Variants in TMEM47 observed in about 807,000 individuals in gnomAD.
The protein encoded by TMEM47 is brain cell membrane protein 1.
A neutral mutation model predicts 12.4 loss-of-function variants in TMEM47; 3 were observed. The ratio of observed to expected loss-of-function variants is 0.24; its 90% CI spans 0.11 to 0.63. The LOEUF (loss-of-function observed/expected upper bound fraction) is 0.63. Among genes scored for constraint, TMEM47 ranks in the 20% least tolerant of loss-of-function variants. The pLI is 0.86. For missense variants in TMEM47, 89 were observed against 143.8 expected, an observed-to-expected ratio of 0.62 and a Z score of 1.95; for synonymous variants, 62 against 63.3, an observed-to-expected ratio of 0.98 and a Z score of 0.10.
intron 1 of TMEM47, among the ~76,000 whole-genome samples, chrX:34,644,275 T>C (rs746754442): frequency 3.8e-4 from 42 of 111,997 alleles, no homozygotes; most frequent in South Asian, 7.4e-4. Context: ...GAGTTTCCAA[T>C]GTCTATAAAC....
At chrX:34,638,931 G>A (rs1482290208) in intron 2 of TMEM47, among the ~76,000 whole-genome samples, 1 of 111,554 alleles carries the variant, frequency 9.0e-6, no homozygotes, top group African/African-American at 3.3e-5. Context: ...AGTAAAAAAG[G>A]GGAAAAAACT....
At position 34,627,181 on chromosome X, in the gene TMEM47, A is replaced by G. The variant is rs1040656014; in HGVS notation, c.*3132T>C. ...ATTGTGAAACTGCAAACTCAAAATC[A>G]CTGGAGTGATAAACAGGTTTTCCCC... On this transcript the variant is annotated 3_prime_UTR_variant, in exon 3 of 3. Coordinates refer to ENST00000275954, the MANE Select transcript of TMEM47 (RefSeq NM_031442.4). 11 of 111,882 alleles carry G rather than the reference A, an allele frequency of 9.8e-5. No homozygotes were observed. The highest frequency in any genetic ancestry group is 3.6e-4 in the African/African-American group (11 of 30,663). 9.2% of individuals were successfully genotyped at this position (111,882 alleles called of 1,213,427 possible).
chrX:34,640,405 A>T (rs1179980204), intron 1 of TMEM47, among the ~76,000 whole-genome samples: 1 of 112,234 alleles, frequency 8.9e-6, no homozygotes, highest in Non-Finnish European at 1.9e-5. Context: ...TAGAAATAGT[A>T]TGATGAAAAA....
At chrX:34,650,354 C>G (rs1921994665) in intron 1 of TMEM47, among the ~76,000 whole-genome samples, 1 of 111,748 alleles carries the variant, frequency 8.9e-6, no homozygotes. Flanking sequence ...AACCAACCCT[C>G]CAAAAATACT....
chrX:34,627,398 G>A lies in TMEM47; in HGVS notation c.*2915C>T, dbSNP rs1921527156. The A allele has an allele frequency of 8.9e-6, 1 of 112,042 alleles. No homozygotes were observed. Among genetic ancestry groups the A allele is most frequent in the Non-Finnish European group, 1.9e-5 (1 of 53,112 alleles). 9.2% of individuals were successfully genotyped at this position (112,042 alleles called of 1,213,427 possible). On this transcript the variant is annotated 3_prime_UTR_variant, in exon 3 of 3. Coordinates refer to ENST00000275954, the MANE Select transcript of TMEM47 (RefSeq NM_031442.4). Reference sequence around the variant, plus strand: ...TTTAGGCATTAAAGAGGACACAGAGGCATAGGTTAGAGTGCACTGCTCTGT... The same window carrying A: ...TTTAGGCATTAAAGAGGACACAGAGACATAGGTTAGAGTGCACTGCTCTGT...
chrX:34,636,203 T>C lies in TMEM47; in HGVS notation c.367+3044A>G, dbSNP rs1601965031. ...CTACCAAAATCTAGACTTGAAATGGTTCCAGCTATCTCACTGTGACTTATA... is the reference window on the plus strand; with the variant it reads ...CTACCAAAATCTAGACTTGAAATGGCTCCAGCTATCTCACTGTGACTTATA... On this transcript the variant is annotated intron_variant, in intron 2 of 2. Transcript: ENST00000275954. 2.7e-5 allele frequency among the ~76,000 whole-genome samples: 3 copies of C among 111,458 alleles called. No homozygotes were observed. In the Admixed American group the frequency reaches 2.9e-4, roughly 11 times the overall value.
Position 34,630,260 on chromosome X carries a change from C to T in TMEM47, c.*53G>A, listed in dbSNP as rs1490655744. ...AATAGTAAGTTAGAAAAGATGCAGA[C>T]GTAATCCTTTTGTTGGATGGTGGTG... On this transcript the variant is annotated 3_prime_UTR_variant, in exon 3 of 3. Transcript: ENST00000275954. 45 of 1,076,999 alleles carry T rather than the reference C, an allele frequency of 4.2e-5. No homozygotes were observed. Among genetic ancestry groups the T allele is most frequent in the Middle Eastern group, 2.6e-4 (1 of 3,892 alleles). 88.8% of individuals were successfully genotyped at this position (1,076,999 alleles called of 1,213,427 possible).
chrX:34,642,153 A>G (rs5010895), intron 1 of TMEM47, among the ~76,000 whole-genome samples: 31,287 of 111,806 alleles, frequency 0.28, 3,314 homozygotes, highest in East Asian at 0.65. Context: ...CACTGCACCC[A>G]GCCCCAATAA....
At chrX:34,652,088 T>C (rs754550451) in intron 1 of TMEM47, among the ~76,000 whole-genome samples, 2 of 112,362 alleles carry the variant, frequency 1.8e-5, no homozygotes, top group African/African-American at 3.2e-5. Flanking sequence ...GATTGGTAAG[T>C]GGCCAAGTTC....
rs896584102 is a variant in TMEM47 at position 34,639,162 on chromosome X, A to T, written c.367+85T>A. ...TCAATTTTTACGTAATGCAGCAAAC[A>T]CATACCTCTTCTGCATAGGAAAGGA... is the stretch of plus-strand genomic sequence containing the variant. On this transcript the variant is annotated intron_variant, in intron 2 of 2. Coordinates refer to ENST00000275954, the MANE Select transcript of TMEM47 (RefSeq NM_031442.4). 3.0e-4 allele frequency: 315 copies of T among 1,045,962 alleles called. 1 individual carries two copies. In the Middle Eastern group the frequency reaches 4.7e-3, roughly 16 times the overall value. 86.2% of individuals were successfully genotyped at this position (1,045,962 alleles called of 1,213,427 possible). A position where few individuals can be genotyped will look rare whatever the true frequency, so the allele number is the denominator to read the frequency against.
At chrX:34,656,606 C>G (rs1253076031) in intron 1 of TMEM47, among the ~76,000 whole-genome samples, 198 bp downstream of exon 1, 1 of 109,896 alleles carries the variant, frequency 9.1e-6, no homozygotes, top group Non-Finnish European at 1.9e-5. Flanking sequence ...TTAGGTTTGG[C>G]GACCAGGGAT....
intron 1 of TMEM47, among the ~76,000 whole-genome samples, chrX:34,656,522 C>A (rs1175967645): frequency 9.1e-6 from 1 of 110,372 alleles, no homozygotes; most frequent in East Asian, 2.9e-4. Context: ...ATAACAAATA[C>A]CCAAAATAGC....
chrX:34,648,261 C>T (rs773150338), intron 1 of TMEM47, among the ~76,000 whole-genome samples: 7 of 111,706 alleles, frequency 6.3e-5, no homozygotes, highest in South Asian at 3.7e-4. Flanking sequence ...CAAAGTTGGT[C>T]GCATCACATT....
In TMEM47 at chrX:34,630,356, A is replaced by C. The variant is rs903030211; in HGVS notation, c.503T>G (p.Ile168Ser). 1.7e-6 allele frequency: 2 copies of C among 1,210,575 alleles called. No individual in the cohort carries two copies. Among genetic ancestry groups the C allele is most frequent in the Non-Finnish European group, 2.2e-6 (2 of 894,986 alleles). Residue 168 changes from isoleucine to serine, a missense_variant, in exon 3 of 3, where the codon ATC becomes AGC. Physicochemically the swap from Ile to Ser is moderately radical, Grantham distance 142. Coordinates refer to ENST00000275954, the MANE Select transcript of TMEM47 (RefSeq NM_031442.4). ...GATIFSFGGA[I>S]LYCLNPKNYE... ...GTTCTTAGGGTTCAGGCAATAAAGG[A>C]TGGCACCCCCAAACGAAAATATAGT...
At chrX:34,650,043 C>T (rs67311407) in intron 1 of TMEM47, among the ~76,000 whole-genome samples, 8,698 of 111,860 alleles carry the variant, frequency 0.078, 771 homozygotes, top group African/African-American at 0.26. Flanking sequence ...ATTATTTTAA[C>T]GTACCCCATC....
In TMEM47 at chrX:34,630,632, G is replaced by A. The variant is rs1601963602; in HGVS notation, c.368-141C>T. 3 of 447,623 alleles carry A rather than the reference G, an allele frequency of 6.7e-6. No individual in the cohort carries two copies. In the East Asian group the frequency reaches 1.2e-4, roughly 18 times the overall value. The allele number at this position is 447,623 out of a possible 1,213,427, so 36.9% of individuals were successfully genotyped here. ...AAAATTTTAAAGATGGCTTGTTCTA[G>A]ATGGTATACTTTAAAATACTAATAA... On this transcript the variant is annotated intron_variant, in intron 2 of 2. Transcript: ENST00000275954.
rs768766166 is a variant in TMEM47 at position 34,627,628 on chromosome X, C to T, written c.*2685G>A. 2.7e-5 allele frequency: 3 copies of T among 111,856 alleles called. No individual in the cohort carries two copies. Among genetic ancestry groups the T allele is most frequent in the East Asian group, 2.8e-4 (1 of 3,552 alleles). The allele number at this position is 111,856 out of a possible 1,213,427, so 9.2% of individuals were successfully genotyped here. ...AAAGCTAAATAATTGTGCAAGAAAT[C>T]GGAATAACTAGCCCTGCTGAGTATT... is the stretch of plus-strand genomic sequence containing the variant. On this transcript the variant is annotated 3_prime_UTR_variant, in exon 3 of 3. Coordinates refer to ENST00000275954, the MANE Select transcript of TMEM47 (RefSeq NM_031442.4).
At chrX:34,641,939 C>T (rs1371446234) in intron 1 of TMEM47, among the ~76,000 whole-genome samples, 1 of 112,382 alleles carries the variant, frequency 8.9e-6, no homozygotes, top group Non-Finnish European at 1.9e-5. Context: ...TCACTGCAAC[C>T]TCCGTCTCCC....
At chrX:34,642,729 C>G (rs1339631538) in intron 1 of TMEM47, among the ~76,000 whole-genome samples, 2 of 111,957 alleles carry the variant, frequency 1.8e-5, no homozygotes, top group African/African-American at 3.2e-5. Context: ...TATGACTGCT[C>G]AAACAGAAAA....
Sources: gnomAD v4.1 joint callset for allele counts (sites outside exome capture counted in the v4.1 genomes callset) on GRCh38, gnomAD v4.1.1 for gene constraint, MANE v1.5 for transcripts, NCBI Gene and HGNC (gene_info 2026-07-23, HGNC 2026-07-21) for gene names.